DMD: variants seen among roughly 807,000 people sequenced by gnomAD.
DMD encodes dystrophin, also known as mutant dystrophin.
A neutral mutation model predicts 330.1 loss-of-function variants in DMD; 63 were observed. The ratio of observed to expected loss-of-function variants is 0.19; its 90% CI spans 0.16 to 0.24. The LOEUF (loss-of-function observed/expected upper bound fraction) is 0.24. Among genes scored for constraint, DMD ranks in the 10% least tolerant of loss-of-function variants. The probability of loss-of-function intolerance (pLI) is 1.00; values close to 1 mark genes in which losing one functional copy is unlikely to be tolerated. For synonymous variants in DMD, 1,223 were observed against 959.8 expected (o/e 1.27, Z -5.07); for missense variants, 3,344 against 2,684.1 (o/e 1.25, Z -5.43).
chrX:32,705,436 C>T (rs1276573333), intron 7 of DMD, among the ~76,000 whole-genome samples: 1 of 111,973 alleles, frequency 8.9e-6, no homozygotes, highest in African/African-American at 3.2e-5. Context: ...ACAATTTTAT[C>T]TTTTGCACTT....
At chrX:32,485,140 T>C (rs765592329) in intron 20 of DMD, 41 bp from the exon 21 acceptor site, 2 of 1,167,939 alleles carry the variant, frequency 1.7e-6, no homozygotes, top group Admixed American at 2.2e-5. Flanking sequence ...ACGTTTACTT[T>C]GCATACATTA....
At chrX:31,508,396 A>C in intron 55 of DMD, 60 of 508,886 alleles carry the variant, frequency 1.2e-4, no homozygotes, top group Non-Finnish European at 8.1e-5. Context: ...AATAATAATA[A>C]ACGGCCACTT....
chrX:31,453,830 CA>C (rs2065960832), intron 59 of DMD, among the ~76,000 whole-genome samples: 1 of 28,408 alleles, frequency 3.5e-5, no homozygotes, highest in South Asian at 1.5e-3. Flanking sequence ...ACAATTAAAA[CA>C]AATAAAAAGA....
At chrX:31,951,120 TAC>T (rs200655640) in intron 45 of DMD, among the ~76,000 whole-genome samples, 46 of 75,958 alleles carry the variant, frequency 6.1e-4, no homozygotes, top group African/African-American at 8.7e-4. Context: ...ACTATATATA[TAC>T]ATATATATAT....
intron 44 of DMD, among the ~76,000 whole-genome samples, chrX:32,117,146 G>A (rs1055527822): frequency 1.8e-5 from 2 of 110,807 alleles, no homozygotes; most frequent in Non-Finnish European, 3.8e-5. Context: ...CAGCACCAGT[G>A]CCAGACGACA....
At chrX:33,113,145 C>G (rs1479658203) in intron 1 of DMD, among the ~76,000 whole-genome samples, 1 of 104,872 alleles carries the variant, frequency 9.5e-6, no homozygotes, top group African/African-American at 3.5e-5. Context: ...CCTCTGCCTC[C>G]CAAGTTCAAG....
chrX:33,252,306 C>T (rs1187048284), intron 1 of DMD, among the ~76,000 whole-genome samples: 13 of 110,889 alleles, frequency 1.2e-4, no homozygotes, highest in African/African-American at 4.3e-4. Flanking sequence ...AGATTTTTTT[C>T]TTAAGTACTA....
At chrX:31,313,059 T>C (rs1250764766) in intron 62 of DMD, among the ~76,000 whole-genome samples, 1 of 102,604 alleles carries the variant, frequency 9.7e-6, no homozygotes, top group African/African-American at 3.7e-5. Context: ...TCTGCACATG[T>C]ATCTCGGTTT....
At chrX:31,910,428 T>A (rs936404) in intron 47 of DMD, among the ~76,000 whole-genome samples, 10,099 of 111,911 alleles carry the variant, frequency 0.09, 764 homozygotes, top group African/African-American at 0.26. Flanking sequence ...ATATTAACTA[T>A]CATTACCTAA....
intron 74 of DMD, among the ~76,000 whole-genome samples, chrX:31,165,961 G>A (rs752486107): frequency 1.5e-4 from 17 of 111,089 alleles, no homozygotes; most frequent in African/African-American, 4.6e-4. Flanking sequence ...TTTGGAAAAC[G>A]GGTTCTTAAC....
At chrX:32,693,416 T>C (rs1449767599) in intron 9 of DMD, among the ~76,000 whole-genome samples, 1 of 111,997 alleles carries the variant, frequency 8.9e-6, no homozygotes, top group African/African-American at 3.2e-5. Flanking sequence ...AAAAGAAGTA[T>C]GTTTTTGTCC....
intron 63 of DMD, among the ~76,000 whole-genome samples, chrX:31,229,499 A>G (rs1182219576): frequency 2.7e-5 from 3 of 112,061 alleles, no homozygotes; most frequent in African/African-American, 9.7e-5. Flanking sequence ...GAGTGGAAAG[A>G]GCTGTACGGC....
chrX:32,906,352 C>T (rs766473300), intron 2 of DMD, among the ~76,000 whole-genome samples: 117 of 111,926 alleles, frequency 1.0e-3, no homozygotes, highest in Non-Finnish European at 3.6e-4. Flanking sequence ...TGAGGCCGCC[C>T]CAGAAGCAGA....
intron 30 of DMD, among the ~76,000 whole-genome samples, chrX:32,406,347 G>A (rs2098116992): frequency 9.0e-6 from 1 of 111,278 alleles, no homozygotes; most frequent in African/African-American, 3.3e-5. Context: ...CAAAGGGAAT[G>A]CTTCCAGTTT....
chrX:31,662,581 C>T (rs1255134416), intron 53 of DMD, among the ~76,000 whole-genome samples: 1 of 111,616 alleles, frequency 9.0e-6, no homozygotes, highest in East Asian at 2.8e-4. Flanking sequence ...ATGTTTGTTC[C>T]GGGTGAACTA....
At chrX:31,379,979 G>A (rs188518629) in intron 60 of DMD, among the ~76,000 whole-genome samples, 88 of 111,418 alleles carry the variant, frequency 7.9e-4, no homozygotes, top group African/African-American at 2.8e-3. Context: ...GAAGACTGAC[G>A]CTGCCCGATT....
intron 1 of DMD, among the ~76,000 whole-genome samples, chrX:33,103,501 G>A (rs752402635): frequency 9.0e-6 from 1 of 110,571 alleles, no homozygotes; most frequent in African/African-American, 3.3e-5. Context: ...GGCTCAAAAA[G>A]CTCCCCCACT....
intron 52 of DMD, among the ~76,000 whole-genome samples, chrX:31,712,629 T>C (rs2084730435): frequency 8.9e-6 from 1 of 112,015 alleles, no homozygotes; most frequent in Non-Finnish European, 1.9e-5. Flanking sequence ...ATTACCTTCA[T>C]GTGTATCCTG....
chrX:33,103,597 G>A (rs780671541), intron 1 of DMD, among the ~76,000 whole-genome samples: 2 of 109,645 alleles, frequency 1.8e-5, no homozygotes, highest in South Asian at 8.1e-4. Flanking sequence ...TTATAAAACG[G>A]CCCCACCCCT....
Sources: gnomAD v4.1 joint callset for allele counts (sites outside exome capture counted in the v4.1 genomes callset) on GRCh38, gnomAD v4.1.1 for gene constraint, MANE v1.5 for transcripts, NCBI Gene and HGNC (gene_info 2026-07-23, HGNC 2026-07-21) for gene names.